The following JAK2 variants were observed in gnomAD, a reference collection of about 807,000 sequenced individuals.
The protein encoded by JAK2 is tyrosine-protein kinase JAK2.
In JAK2, 86 loss-of-function variants were observed where a neutral mutation model predicts 139.3. That is an observed-to-expected ratio of 0.62 (90% confidence interval 0.52 to 0.74). The LOEUF is 0.74. Ranked by LOEUF, JAK2 falls within the 30% of genes least tolerant of loss-of-function variation. JAK2 has a pLI of 0.00. For synonymous variants in JAK2, 490 were observed against 437.7 expected (o/e 1.12, Z -1.49); for missense variants, 1,421 against 1,360.3 (o/e 1.04, Z -0.70).
At chr9:4,990,735 T>C (rs1332234490) in intron 2 of JAK2, among the ~76,000 whole-genome samples, 2 of 152,196 alleles carry the variant, frequency 1.3e-5, no homozygotes, top group African/African-American at 4.8e-5. Context: ...ATTCGTGTTT[T>C]TCCTAATAAG....
chr9:5,000,732 G>T (rs535114174), intron 2 of JAK2, among the ~76,000 whole-genome samples: 1 of 152,088 alleles, frequency 6.6e-6, no homozygotes, highest in Admixed American at 6.5e-5. Flanking sequence ...TAATTAGTTT[G>T]TGGAGCTCTT....
chr9:5,058,697 A>G (rs1371099908), intron 8 of JAK2, among the ~76,000 whole-genome samples: 3 of 152,176 alleles, frequency 2.0e-5, no homozygotes, highest in African/African-American at 7.2e-5. Context: ...ATGCTCATCA[A>G]AACTTGTTAT....
At chr9:5,099,466 C>G (rs1016909987) in intron 22 of JAK2, 2 of 152,158 alleles carry the variant, frequency 1.3e-5, no homozygotes, top group Non-Finnish European at 2.9e-5. Context: ...TAACTTTATT[C>G]TCCATTATTC....
chr9:5,103,517 C>T (rs1355365945), intron 22 of JAK2, among the ~76,000 whole-genome samples: 3 of 152,042 alleles, frequency 2.0e-5, no homozygotes, highest in African/African-American at 7.3e-5. Context: ...ATCAATGAGA[C>T]AGAAGGTTAA....
chr9:5,049,621 C>T (rs1363454572), intron 5 of JAK2, among the ~76,000 whole-genome samples: 1 of 152,188 alleles, frequency 6.6e-6, no homozygotes, highest in Admixed American at 6.5e-5. Flanking sequence ...TTATTTGCTT[C>T]TGTTTCGCTT....
At chr9:5,122,890 G>A (rs561688174) in intron 22 of JAK2, 114 bp from the exon 23 acceptor site, 1 of 647,526 alleles carries the variant, frequency 1.5e-6, no homozygotes, top group South Asian at 2.7e-5. Flanking sequence ...GGCCTGCTGT[G>A]ATAACTCTTT....
At position 5,050,718 on chromosome 9, in the gene JAK2, A is replaced by G. The variant is rs756750218; in HGVS notation, c.501A>G (p.Lys167=). The G allele has an allele frequency of 6.2e-7, 1 of 1,613,868 alleles. No individual in the cohort carries two copies. The highest frequency in any genetic ancestry group is 8.5e-7 in the Non-Finnish European group (1 of 1,179,810). ...WRHDFVHGWI[K]VPVTHETQEE... is the part of the protein sequence containing the mutation. ...ATGATTTTGTGCACGGATGGATAAA[A>G]GTACCTGTGACTCATGAAACACAGG... is the stretch of plus-strand genomic sequence containing the variant. The change falls in exon 6 of 25, where the codon AAA becomes AAG. Residue 167 remains lysine (K), a synonymous_variant. Coordinates refer to ENST00000381652, the MANE Select transcript of JAK2 (RefSeq NM_004972.4).
At chr9:5,039,138 T>C (rs888532299) in intron 4 of JAK2, among the ~76,000 whole-genome samples, 2 of 152,100 alleles carry the variant, frequency 1.3e-5, no homozygotes, top group Non-Finnish European at 2.9e-5. Context: ...TTTAACACTA[T>C]ACTGTAGATT....
chr9:5,023,728 C>T (rs1822588482), intron 3 of JAK2, among the ~76,000 whole-genome samples: 1 of 152,174 alleles, frequency 6.6e-6, no homozygotes, highest in African/African-American at 2.4e-5. Context: ...GGATAATCTA[C>T]TCAAAGTGTG....
intron 22 of JAK2, among the ~76,000 whole-genome samples, chr9:5,105,407 A>G (rs897461902): frequency 3.3e-5 from 5 of 152,228 alleles, no homozygotes; most frequent in Non-Finnish European, 7.3e-5. Flanking sequence ...GCTCAATGAA[A>G]TACAAGAGGA....
intron 8 of JAK2, among the ~76,000 whole-genome samples, chr9:5,058,905 A>C (rs1422633081): frequency 6.6e-6 from 1 of 152,204 alleles, no homozygotes; most frequent in East Asian, 1.9e-4. Flanking sequence ...GAATTATAGA[A>C]ATTATTTATG....
chr9:5,106,694 A>G (rs1020029946), intron 22 of JAK2, among the ~76,000 whole-genome samples: 2 of 152,110 alleles, frequency 1.3e-5, no homozygotes, highest in African/African-American at 2.4e-5. Flanking sequence ...TATGCCACAA[A>G]TATCCCAAGG....
At chr9:5,118,466 T>C (rs1047914908) in intron 22 of JAK2, among the ~76,000 whole-genome samples, 2 of 152,184 alleles carry the variant, frequency 1.3e-5, no homozygotes, top group African/African-American at 2.4e-5. Flanking sequence ...TGGGTTATCA[T>C]TGAAGTTACT....
At chr9:5,075,060 A>T (rs1031068592) in intron 14 of JAK2, among the ~76,000 whole-genome samples, 1 of 152,010 alleles carries the variant, frequency 6.6e-6, no homozygotes, top group African/African-American at 2.4e-5. Context: ...GCCAAAGCCC[A>T]ATCTAGAGCA....
chr9:5,069,772 G>C (rs1461208371), intron 11 of JAK2, among the ~76,000 whole-genome samples, 153 bp from the exon 12 acceptor site: 5 of 152,014 alleles, frequency 3.3e-5, no homozygotes, highest in Non-Finnish European at 7.4e-5. Flanking sequence ...TCAATGAGTT[G>C]ACCCCTAAAA....
At position 5,070,126 on chromosome 9, in the gene JAK2, T is replaced by C. The variant is rs889523058; in HGVS notation, c.1641+74T>C. 29 of 1,058,780 alleles carry C rather than the reference T, an allele frequency of 2.7e-5. No homozygotes were observed. In the African/African-American group the frequency reaches 3.7e-4, roughly 13 times the overall value. The allele number at this position is 1,058,780 out of a possible 1,614,324, so 65.6% of individuals were successfully genotyped here. ...CATCTGTTTTCTTGATTTACATTCA[T>C]GTGACATTGGAATTATTTTGTTATA... is the stretch of plus-strand genomic sequence containing the variant. On this transcript the variant is annotated intron_variant, in intron 12 of 24. Transcript: ENST00000381652.
chr9:5,087,691 T>G (rs1820240281), intron 19 of JAK2, among the ~76,000 whole-genome samples: 1 of 152,304 alleles, frequency 6.6e-6, no homozygotes, highest in Admixed American at 6.5e-5. Context: ...AAAATATACA[T>G]TTTCCCACTG....
intron 8 of JAK2, among the ~76,000 whole-genome samples, chr9:5,056,147 C>T (rs1267481683): frequency 6.6e-6 from 1 of 152,030 alleles, no homozygotes; most frequent in African/African-American, 2.4e-5. Context: ...GCCAGTTATA[C>T]TGCCTAATTA....
At chr9:5,014,749 G>C (rs1821932273) in intron 2 of JAK2, among the ~76,000 whole-genome samples, 1 of 152,070 alleles carries the variant, frequency 6.6e-6, no homozygotes, top group Non-Finnish European at 1.5e-5. Context: ...ACTTATATGA[G>C]AGTTATAAAT....
Sources: gnomAD v4.1 joint callset for allele counts (sites outside exome capture counted in the v4.1 genomes callset) on GRCh38, gnomAD v4.1.1 for gene constraint, MANE v1.5 for transcripts, NCBI Gene and HGNC (gene_info 2026-07-23, HGNC 2026-07-21) for gene names.